KNDC1: variants seen among roughly 807,000 people sequenced by gnomAD.
KNDC1 encodes kinase non-catalytic C-lobe domain containing 1, also known as kinase non-catalytic C-lobe domain-containing protein 1.
In KNDC1, 106 loss-of-function variants were observed where a neutral mutation model predicts 172.8. That is an observed-to-expected ratio of 0.61 (90% CI 0.52 to 0.72). KNDC1 has a LOEUF of 0.72. KNDC1 is among the 30% of genes least tolerant of loss of function. The pLI, the probability that KNDC1 is intolerant of heterozygous loss-of-function variation, is 0.00. For synonymous variants in KNDC1, 1,083 were observed against 1,062.2 expected (o/e 1.02, Z -0.38); for missense variants, 2,325 against 2,394.5 (o/e 0.97, Z 0.61).
intron 1 of KNDC1, among the ~76,000 whole-genome samples, chr10:133,165,978 C>T (rs1416666011): frequency 2.6e-5 from 4 of 152,226 alleles, no homozygotes; most frequent in South Asian, 2.1e-4. Context: ...CAGGACCCCA[C>T]GAACAGACGC....
intron 26 of KNDC1, among the ~76,000 whole-genome samples, chr10:133,215,048 C>T (rs915612004): frequency 6.6e-5 from 10 of 152,316 alleles, no homozygotes; most frequent in South Asian, 2.1e-4. Context: ...GCTCAGCTGG[C>T]GCTTGGCTGT....
At chr10:133,172,315 C>T (rs1416012288) in intron 3 of KNDC1, among the ~76,000 whole-genome samples, 2 of 152,226 alleles carry the variant, frequency 1.3e-5, no homozygotes, top group East Asian at 1.9e-4. Flanking sequence ...GATGTTTCTT[C>T]TGCATCCTTT....
chr10:133,176,859 C>T (rs1217043452), intron 3 of KNDC1, among the ~76,000 whole-genome samples: 1 of 152,196 alleles, frequency 6.6e-6, no homozygotes, highest in Non-Finnish European at 1.5e-5. Flanking sequence ...TGGCCACAGC[C>T]GAGAATGCTG....
chr10:133,184,427 G>T (rs113257096), intron 5 of KNDC1, among the ~76,000 whole-genome samples: 9 of 132,002 alleles, frequency 6.8e-5, no homozygotes, highest in African/African-American at 2.5e-4. Context: ...CACACATTCA[G>T]AGATCACACA....
intron 16 of KNDC1, 100 bp from the exon 17 acceptor site, chr10:133,201,401 G>A: frequency 1.5e-6 from 2 of 1,304,212 alleles, no homozygotes; most frequent in Non-Finnish European, 2.1e-6. Context: ...AGAGAGAAGG[G>A]CGTCGGGTGT....
intron 16 of KNDC1, 145 bp downstream of exon 16, chr10:133,200,605 A>G: frequency 1.6e-6 from 1 of 637,342 alleles, no homozygotes. Flanking sequence ...GTGCCCAGCC[A>G]AAGGCCGCCC....
rs544754379 is a variant in KNDC1 at position 133,165,863 on chromosome 10, G to T, written c.103-1518G>T. On this transcript the variant is annotated intron_variant, in intron 1 of 29. Transcript: ENST00000304613. The stretch of plus-strand genomic sequence containing the variant: ...ACCTTTGATCGATCACGGGCCACAG[G>T]AATGGGGCAGGGAGATTCCCGCCAT... 1.1e-4 allele frequency among the ~76,000 whole-genome samples: 16 copies of T among 152,266 alleles called. No individual in the cohort carries two copies. The South Asian group carries it at 3.3e-3, about 32-fold the overall frequency.
chr10:133,182,387 G>A (rs1853744394), intron 3 of KNDC1, among the ~76,000 whole-genome samples: 1 of 152,240 alleles, frequency 6.6e-6, no homozygotes. Context: ...CACTCAGCCA[G>A]CCTGGACTAG....
rs1845402514 is a variant in KNDC1, at chr10:133,212,993, G to A, written c.4443+71G>A. On this transcript the variant is annotated intron_variant, in intron 24 of 29. Coordinates refer to ENST00000304613, the MANE Select transcript of KNDC1 (RefSeq NM_152643.8). ...CCCCAGAAACACTCCGCGCCCATAG[G>A]GCCCTCAGCGGCTGCTTCCAGAGGA... 3 of 1,309,708 alleles carry A rather than the reference G, an allele frequency of 2.3e-6. No homozygotes were observed. In the Admixed American group the frequency reaches 6.7e-5, roughly 29 times the overall value. 81.1% of individuals were successfully genotyped at this position (1,309,708 alleles called of 1,614,324 possible). A position where few individuals can be genotyped will look rare whatever the true frequency, so the allele number is the denominator to read the frequency against.
intron 5 of KNDC1, among the ~76,000 whole-genome samples, chr10:133,184,528 C>T (rs1853836174): frequency 6.6e-6 from 1 of 152,242 alleles, no homozygotes; most frequent in Admixed American, 6.5e-5. Context: ...TGCTCACAGT[C>T]ACACACATGA....
In KNDC1 at chr10:133,160,549, C is replaced by T. The variant is rs1852930913; in HGVS notation, c.82C>T (p.Pro28Ser). 5 of 1,581,822 alleles carry T rather than the reference C, an allele frequency of 3.2e-6. No homozygotes were observed. The highest frequency in any genetic ancestry group is 1.8e-5 in the Admixed American group (1 of 56,306). The stretch of plus-strand genomic sequence containing the variant: ...GGACTTCTACGACTTCGAGCCGCTG[C>T]CCACCCTCCCCGAGGACGAGGTGAG... Reference protein sequence around the residue: ...DLDFYDFEPLPTLPEDEENVS... With the variant: ...DLDFYDFEPLSTLPEDEENVS... The change falls in exon 1 of 30, where the codon CCC (proline) becomes TCC (serine). Residue 28 changes from proline (P) to serine (S), a missense_variant. Transcript: ENST00000304613.
At chr10:133,199,627 T>C in intron 15 of KNDC1, 25 bp downstream of exon 15, 1 of 1,609,216 alleles carries the variant, frequency 6.2e-7, no homozygotes, top group Non-Finnish European at 8.5e-7. Context: ...CGGCCCTGCA[T>C]TCCCGCCCCT....
Position 133,163,775 on chromosome 10 carries a change from A to G in KNDC1, c.102+3206A>G, listed in dbSNP as rs965597503. Among the ~76,000 whole-genome samples, 1 of 152,090 alleles carries G rather than the reference A, an allele frequency of 6.6e-6. No homozygotes were observed. Among genetic ancestry groups the G allele is most frequent in the Non-Finnish European group, 1.5e-5 (1 of 68,010 alleles). ...CCTAATGGGGACCTGCCATGAGATA[A>G]GGGTCCTCGGTGGGAAGCGTGCCCT... On this transcript the variant is annotated intron_variant, in intron 1 of 29. Coordinates refer to ENST00000304613, the MANE Select transcript of KNDC1 (RefSeq NM_152643.8). This position sits in a 1 kb window ranked among gnomAD's most constrained non-coding sequence, Gnocchi z 4.4.
At chr10:133,177,444 T>G (rs370944937) in intron 3 of KNDC1, among the ~76,000 whole-genome samples, 1 of 59,974 alleles carries the variant, frequency 1.7e-5, no homozygotes, top group Non-Finnish European at 5.4e-5. Flanking sequence ...GAATGTAATG[T>G]GGTATGCATC....
intron 26 of KNDC1, 128 bp from the exon 27 acceptor site, chr10:133,218,703 C>A: frequency 7.9e-7 from 1 of 1,260,174 alleles, no homozygotes; most frequent in Non-Finnish European, 1.1e-6. Context: ...ACAGCCGCTT[C>A]CTTTCCACAC....
chr10:133,201,761 G>A lies in KNDC1; in HGVS notation c.3250G>A (p.Ala1084Thr). The A allele has an allele frequency of 6.4e-7, 1 of 1,563,880 alleles. No homozygotes were observed. Among genetic ancestry groups the A allele is most frequent in the African/African-American group, 1.4e-5 (1 of 73,450 alleles). ...CGGCCCAGCCTTGTCCCCCGGCCCA[G>A]CCGGATTCCAGAGCTGCAGCCCCGG... The part of the protein sequence containing the change: ...GVGPALSPGP[A>T]GFQSCSPGWC... Residue 1084 changes from alanine (A) to threonine (T), a missense_variant, in exon 17 of 30, where the codon GCC becomes ACC. By Grantham distance (58) the Ala-to-Thr change is moderately conservative. Transcript: ENST00000304613.
intron 15 of KNDC1, 51 bp from the exon 16 acceptor site, chr10:133,200,324 G>A: frequency 1.4e-6 from 2 of 1,383,736 alleles, no homozygotes; most frequent in Non-Finnish European, 2.0e-6. Context: ...GGAGACTGTG[G>A]CCTCCTCCCA....
intron 29 of KNDC1, among the ~76,000 whole-genome samples, chr10:133,220,944 C>A (rs1845575240): frequency 6.6e-6 from 1 of 152,174 alleles, no homozygotes; most frequent in East Asian, 1.9e-4. Context: ...GGGTACCTTG[C>A]CCCTCACTTG....
chr10:133,220,003 C>T lies in KNDC1; in HGVS notation c.4909C>T (p.Arg1637Trp). ...GTGTCTGATGGAAGGGCGGCGCTTC[C>T]GGGCGCAGCCCACCCTGCCCTCGGC... is the stretch of plus-strand genomic sequence containing the variant. ...SLCLMEGRRF[R>W]AQPTLPSAHL... The change falls in exon 29 of 30, where the codon CGG becomes TGG. Residue 1637 changes from arginine (R) to tryptophan (W), a missense_variant. Arg to Trp is a moderately radical substitution (Grantham distance 101). Transcript: ENST00000304613. 6.4e-7 allele frequency: 1 copy of T among 1,553,742 alleles called. No individual in the cohort carries two copies. The highest frequency in any genetic ancestry group is 1.2e-5 in the South Asian group (1 of 84,280).
Sources: gnomAD v4.1 joint callset for allele counts (sites outside exome capture counted in the v4.1 genomes callset) on GRCh38, gnomAD v4.1.1 for gene constraint, Gnocchi (gnomAD v3.1) non-coding constraint, MANE v1.5 for transcripts, NCBI Gene and HGNC (gene_info 2026-07-23, HGNC 2026-07-21) for gene names.